Variants in NECAB1 observed in about 807,000 individuals in gnomAD.
The protein encoded by NECAB1 is N-terminal EF-hand calcium binding protein 1, also known as N-terminal EF-hand calcium-binding protein 1.
A neutral mutation model predicts 57.5 loss-of-function variants in NECAB1; 29 were observed. The observed-to-expected ratio is 0.50, with a 90% CI of 0.38 to 0.69. NECAB1 has a LOEUF of 0.69. NECAB1 is among the 30% of genes least tolerant of loss of function. NECAB1 has a pLI of 0.00. For synonymous variants in NECAB1, 142 were observed against 147.7 expected, an observed-to-expected ratio of 0.96 and a Z score of 0.28; for missense variants, 372 against 413.8, an observed-to-expected ratio of 0.90 and a Z score of 0.88.
chr8:90,806,419 A>G (rs1043874273), intron 2 of NECAB1: 4 of 152,264 alleles, frequency 2.6e-5, no homozygotes, highest in Non-Finnish European at 5.9e-5. Flanking sequence ...TGCATAACCA[A>G]CAATTTCACT....
At chr8:90,913,488 A>C (rs1264349370) in intron 5 of NECAB1, among the ~76,000 whole-genome samples, 1 of 152,134 alleles carries the variant, frequency 6.6e-6, no homozygotes, top group Non-Finnish European at 1.5e-5. Context: ...AAAGAAGCAA[A>C]ATCTGAATAA....
chr8:90,907,726 T>A (rs1337012178), intron 5 of NECAB1, among the ~76,000 whole-genome samples: 1 of 152,188 alleles, frequency 6.6e-6, no homozygotes, highest in African/African-American at 2.4e-5. Context: ...TTTGATGAAG[T>A]ACAGTATTTT....
At chr8:90,825,571 C>T (rs1253836581) in intron 3 of NECAB1, among the ~76,000 whole-genome samples, 3 of 151,740 alleles carry the variant, frequency 2.0e-5, no homozygotes. Flanking sequence ...TCAGTGTGTC[C>T]ATTGCTTGAA....
chr8:90,877,371 A>C (rs1346916344), intron 4 of NECAB1, among the ~76,000 whole-genome samples: 1 of 151,712 alleles, frequency 6.6e-6, no homozygotes, highest in Non-Finnish European at 1.5e-5. Context: ...TGAGGATGTC[A>C]CTCTCCTTTC....
At chr8:90,936,660 C>G (rs117352715) in intron 9 of NECAB1, among the ~76,000 whole-genome samples, 28 of 152,250 alleles carry the variant, frequency 1.8e-4, no homozygotes, top group African/African-American at 6.7e-4. Flanking sequence ...AGATTCCCTA[C>G]CATAAGAGCA....
chr8:90,847,272 C>T (rs1430375679), intron 3 of NECAB1, among the ~76,000 whole-genome samples: 2 of 152,234 alleles, frequency 1.3e-5, no homozygotes, highest in African/African-American at 4.8e-5. Flanking sequence ...TCTTAAAGTT[C>T]CAAACTGATC....
At chr8:90,863,118 TA>T (rs907356542) in intron 3 of NECAB1, among the ~76,000 whole-genome samples, 296 of 151,880 alleles carry the variant, frequency 1.9e-3, no homozygotes, top group African/African-American at 6.9e-3. Flanking sequence ...AGAAGAATAA[TA>T]AAAAAAAGAA....
intron 5 of NECAB1, among the ~76,000 whole-genome samples, chr8:90,897,297 T>C (rs1479678535): frequency 6.6e-6 from 1 of 152,224 alleles, no homozygotes. Context: ...TTGTTGTTGT[T>C]TGGTAAACTT....
intron 4 of NECAB1, 135 bp from the exon 5 acceptor site, chr8:90,880,898 T>C: frequency 3.2e-6 from 2 of 628,146 alleles, no homozygotes; most frequent in South Asian, 2.0e-5. Flanking sequence ...TTAGTCTTAT[T>C]TGGAAACCTT....
chr8:90,911,192 C>T (rs563107935), intron 5 of NECAB1, among the ~76,000 whole-genome samples: 4 of 152,094 alleles, frequency 2.6e-5, no homozygotes, highest in East Asian at 3.9e-4. Flanking sequence ...TGAGTAAAAC[C>T]AGACTCATAC....
At chr8:90,926,925 G>A (rs1192321441) in intron 7 of NECAB1, among the ~76,000 whole-genome samples, 10 of 152,064 alleles carry the variant, frequency 6.6e-5, no homozygotes, top group Non-Finnish European at 1.5e-5. Context: ...TCTATAGCAG[G>A]AAGAAATTGA....
chr8:90,904,075 C>T (rs1003185128), intron 5 of NECAB1, among the ~76,000 whole-genome samples: 1 of 152,132 alleles, frequency 6.6e-6, no homozygotes, highest in African/African-American at 2.4e-5. Flanking sequence ...CAAGTCAGCC[C>T]TCATGTAAAT....
At chr8:90,900,825 A>T (rs1809483386) in intron 5 of NECAB1, among the ~76,000 whole-genome samples, 1 of 152,214 alleles carries the variant, frequency 6.6e-6, no homozygotes, top group Non-Finnish European at 1.5e-5. Flanking sequence ...TATGACCCCA[A>T]GCCTGGGGCT....
intron 8 of NECAB1, among the ~76,000 whole-genome samples, chr8:90,930,912 T>C (rs1166901179): frequency 6.6e-6 from 1 of 152,208 alleles, no homozygotes; most frequent in East Asian, 1.9e-4. Context: ...CATTTAAAAA[T>C]ACAAATACCT....
intron 3 of NECAB1, among the ~76,000 whole-genome samples, chr8:90,870,485 T>C (rs1808602830): frequency 6.6e-6 from 1 of 152,234 alleles, no homozygotes; most frequent in Admixed American, 6.5e-5. Context: ...TTTTCTGAAA[T>C]TGAATGCTCT....
In NECAB1 at chr8:90,956,943, C is replaced by CGTGTGT. The variant is rs66645266; in HGVS notation, c.*1468_*1473dup. The stretch of plus-strand genomic sequence containing the variant: ...AATTTTGATATATTGTACATACACA[C>CGTGTGT]GTGTGTGTGTGTGTGTGTGTGTGTG... On this transcript the variant is annotated 3_prime_UTR_variant, in exon 13 of 13. Coordinates refer to ENST00000417640, the MANE Select transcript of NECAB1 (RefSeq NM_022351.5). 5,787 of 143,402 alleles carry CGTGTGT rather than the reference C, an allele frequency of 0.04. 172 individuals carry two copies. Among genetic ancestry groups the CGTGTGT allele is most frequent in the African/African-American group, 0.087 (3,381 of 38,880 alleles). 8.9% of individuals were successfully genotyped at this position (143,402 alleles called of 1,614,324 possible). A position where few individuals can be genotyped will look rare whatever the true frequency, so the allele number is the denominator to read the frequency against.
intron 3 of NECAB1, among the ~76,000 whole-genome samples, chr8:90,848,348 G>T (rs1812608044): frequency 6.6e-6 from 1 of 152,100 alleles, no homozygotes; most frequent in African/African-American, 2.4e-5. Context: ...TCTAGTTTGG[G>T]AAATTCCAAA....
At chr8:90,859,162 G>A (rs1025194756) in intron 3 of NECAB1, 1 of 152,174 alleles carries the variant, frequency 6.6e-6, no homozygotes, top group Non-Finnish European at 1.5e-5. Flanking sequence ...ACAAAAACCC[G>A]CCTCTGGATG....
At chr8:90,885,952 TGAAA>T (rs1035862718) in intron 5 of NECAB1, among the ~76,000 whole-genome samples, 22 of 152,270 alleles carry the variant, frequency 1.4e-4, no homozygotes, top group African/African-American at 4.3e-4. Flanking sequence ...GAAGAAAATA[TGAAA>T]GAAATTATAG....
Sources: gnomAD v4.1 joint callset for allele counts (sites outside exome capture counted in the v4.1 genomes callset) on GRCh38, gnomAD v4.1.1 for gene constraint, MANE v1.5 for transcripts, NCBI Gene and HGNC (gene_info 2026-07-23, HGNC 2026-07-21) for gene names.